NLRP11: variants seen among roughly 807,000 people sequenced by gnomAD.
NLRP11 encodes NLR family pyrin domain containing 11.
In NLRP11, 53 loss-of-function variants were observed where a neutral mutation model predicts 79.3. That is an observed-to-expected ratio of 0.67 (90% CI 0.54 to 0.84). NLRP11 has a LOEUF of 0.84. Among genes scored for constraint, NLRP11 ranks in the 40% least tolerant of loss-of-function variants. The pLI, the probability that NLRP11 is intolerant of heterozygous loss-of-function variation, is 0.00. For synonymous variants in NLRP11, 518 were observed against 462.6 expected (o/e 1.12, Z -1.54); for missense variants, 1,264 against 1,255.0 (o/e 1.01, Z -0.11).
At chr19:55,798,411 A>G in intron 5 of NLRP11, 1 of 802,226 alleles carries the variant, frequency 1.2e-6, no homozygotes, top group Non-Finnish European at 1.5e-6. Flanking sequence ...ACATAAGGAC[A>G]GAAAACCAAA....
At chr19:55,823,105 C>A (rs1461703002) in intron 1 of NLRP11, among the ~76,000 whole-genome samples, 159 of 139,524 alleles carry the variant, frequency 1.1e-3, no homozygotes, top group Middle Eastern at 3.6e-3. Flanking sequence ...GTCCCTGACC[C>A]CTGACCCCCA....
intron 1 of NLRP11, among the ~76,000 whole-genome samples, chr19:55,822,297 T>A (rs2547266): frequency 0.48 from 72,437 of 151,942 alleles, 20,382 homozygotes; most frequent in African/African-American, 0.79. Flanking sequence ...CTTAGTCTCA[T>A]TGGAATTTCT....
rs1600168603 is a variant in NLRP11 at position 55,785,641 on chromosome 19, G to C, written c.3086C>G (p.Ser1029Cys). ...ACAACATGATCAAAGGGGTTGCCTAGATGCTGTATTTGACGTTCTCATGGC... is the reference window on the plus strand; with the variant it reads ...ACAACATGATCAAAGGGGTTGCCTACATGCTGTATTTGACGTTCTCATGGC... The change falls in exon 10 of 10, where the codon TCT becomes TGT. Residue 1029 changes from serine (S) to cysteine (C), a missense_variant. Coordinates refer to ENST00000589093, the Ensembl canonical transcript of NLRP11. 2 of 1,613,612 alleles carry C rather than the reference G, an allele frequency of 1.2e-6. No homozygotes were observed. The highest frequency in any genetic ancestry group is 8.5e-7 in the Non-Finnish European group (1 of 1,179,742).
chr19:55,785,544 AT>A, exon 10 of NLRP11: 2 of 1,316,204 alleles, frequency 1.5e-6, no homozygotes, highest in Non-Finnish European at 2.1e-6. Context: ...CACACATCAA[AT>A]AGGAAAATTA....
intron 2 of NLRP11, among the ~76,000 whole-genome samples, chr19:55,812,867 C>T (rs1423541266): frequency 6.6e-6 from 1 of 152,160 alleles, no homozygotes; most frequent in African/African-American, 2.4e-5. Context: ...AAAACCACCA[C>T]CACCAGGCTG....
rs146001226 is a variant in NLRP11 at position 55,794,728 on chromosome 19, C to G, written c.2342+1352G>C. 4.4e-3 allele frequency among the ~76,000 whole-genome samples: 669 copies of G among 152,066 alleles called. 4 individuals carry two copies. Among genetic ancestry groups the G allele is most frequent in the African/African-American group, 0.015 (641 of 41,474 alleles). On this transcript the variant is annotated intron_variant, in intron 6 of 9. Coordinates refer to ENST00000589093, the Ensembl canonical transcript of NLRP11. ...TGAGCCGAGATCGCGCCACCGCACT[C>G]CAGCCTGGGCAATACAGCGAGACTC...
Position 55,809,596 on chromosome 19 carries a change from G to C in NLRP11, c.1014C>G (p.Val338=). 6.2e-7 allele frequency: 1 copy of C among 1,614,170 alleles called. No homozygotes were observed. The highest frequency in any genetic ancestry group is 1.1e-5 in the South Asian group (1 of 91,070). ...TACACGTGATCCAGCATAAGATGGC[G>C]ACTCGGCACAGACCCACGAGTATTT... Residue 338 remains valine (V), a synonymous_variant, in exon 3 of 10, where the codon GTC becomes GTG. Coordinates refer to ENST00000589093, the Ensembl canonical transcript of NLRP11. The surrounding 1 kb of genome is among the most constrained non-coding windows in gnomAD (Gnocchi z 4.5).
intron 6 of NLRP11, 21 bp from the exon 7 acceptor site, chr19:55,792,492 G>A (rs770199631): frequency 1.2e-6 from 2 of 1,609,694 alleles, no homozygotes; most frequent in East Asian, 4.5e-5. Flanking sequence ...AGAAGAGTGA[G>A]TCAGTGACAG....
chr19:55,792,363 A>AT lies in NLRP11; in HGVS notation c.2450dup (p.Asn817LysfsTer29). 1.9e-6 allele frequency: 3 copies of AT among 1,614,140 alleles called. No homozygotes were observed. The highest frequency in any genetic ancestry group is 2.5e-6 in the Non-Finnish European group (3 of 1,180,032). On this transcript the variant is annotated frameshift_variant, in exon 7 of 10. Coordinates refer to ENST00000589093, the Ensembl canonical transcript of NLRP11. LOFTEE classifies it high-confidence loss of function. ...GAAACGTCACATGCAACACTCCGTAATTTTTTAAGCGATTCACACACAGGT... is the reference window on the plus strand; with the variant it reads ...GAAACGTCACATGCAACACTCCGTAATTTTTTTAAGCGATTCACACACAGGT...
intron 2 of NLRP11, among the ~76,000 whole-genome samples, chr19:55,813,297 C>T (rs1980783712): frequency 6.6e-6 from 1 of 152,106 alleles, no homozygotes; most frequent in South Asian, 2.1e-4. Flanking sequence ...CACTGCACTC[C>T]AGCCTGGGAA....
chr19:55,823,040 T>C (rs1267407319), intron 1 of NLRP11, among the ~76,000 whole-genome samples: 2 of 149,240 alleles, frequency 1.3e-5, no homozygotes, highest in Non-Finnish European at 3.0e-5. Flanking sequence ...AGAGCAGTGG[T>C]TCTCCCAGCA....
At chr19:55,793,621 T>C (rs966979407) in intron 6 of NLRP11, among the ~76,000 whole-genome samples, 2 of 136,868 alleles carry the variant, frequency 1.5e-5, no homozygotes, top group Non-Finnish European at 3.1e-5. Context: ...TTGGAAATAC[T>C]GAATCTTGGC....
At chr19:55,819,834 T>G (rs1981508677) in intron 1 of NLRP11, among the ~76,000 whole-genome samples, 1 of 152,282 alleles carries the variant, frequency 6.6e-6, no homozygotes, top group South Asian at 2.1e-4. Context: ...GTCACTGGTA[T>G]TGTAGACACA....
At chr19:55,810,731 C>T (rs890570236) in intron 2 of NLRP11, among the ~76,000 whole-genome samples, 6 of 152,196 alleles carry the variant, frequency 3.9e-5, no homozygotes, top group African/African-American at 1.4e-4. Flanking sequence ...CTCCTGGCCT[C>T]AGGTGATCCA....
In NLRP11 at chr19:55,812,669, C is replaced by T. The variant is rs1214760469; in HGVS notation, c.272-2331G>A. Among the ~76,000 whole-genome samples, 7 of 152,100 alleles carry T rather than the reference C, an allele frequency of 4.6e-5. No individual in the cohort carries two copies. The South Asian group carries it at 6.2e-4, about 14-fold the overall frequency. ...GGGCTGTCAATTAGAGGAGTCATTA[C>T]GAAAAATGATGTGGAGGTTCCTCAA... On this transcript the variant is annotated intron_variant, in intron 2 of 9. Coordinates refer to ENST00000589093, the Ensembl canonical transcript of NLRP11.
At chr19:55,793,556 CAAAAAAAAAAAAAAAAA>C (rs59605427) in intron 6 of NLRP11, among the ~76,000 whole-genome samples, 4 of 35,668 alleles carry the variant, frequency 1.1e-4, no homozygotes, top group African/African-American at 3.7e-4. Context: ...TGACTGTCTC[CAAAAAAAAAAAAAAAAA>C]AAAAAAAAAA....
At chr19:55,830,090 C>G (rs1165242968) in intron 1 of NLRP11, among the ~76,000 whole-genome samples, 2 of 152,194 alleles carry the variant, frequency 1.3e-5, no homozygotes, top group Non-Finnish European at 2.9e-5. Flanking sequence ...ACATGCAGCT[C>G]AAACCTGTAT....
intron 6 of NLRP11, among the ~76,000 whole-genome samples, chr19:55,793,437 G>A (rs1052618015): frequency 2.0e-5 from 3 of 151,552 alleles, no homozygotes; most frequent in African/African-American, 7.3e-5. Flanking sequence ...GCATAGTGGT[G>A]TGCACCTGTA....
At chr19:55,836,258 A>C (rs559359048), upstream of NLRP11, 107 of 152,194 alleles carry the variant, frequency 7.0e-4, no homozygotes, top group Middle Eastern at 3.4e-3. Flanking sequence ...AGTCACCCCA[A>C]CTCTCCAAAT....
Sources: gnomAD v4.1 joint callset for allele counts (sites outside exome capture counted in the v4.1 genomes callset) on GRCh38, gnomAD v4.1.1 for gene constraint, Gnocchi (gnomAD v3.1) non-coding constraint, MANE v1.5 for transcripts, NCBI Gene and HGNC (gene_info 2026-07-23, HGNC 2026-07-21) for gene names.